The following AGGF1 variants were observed in gnomAD, a reference collection of about 807,000 sequenced individuals.
AGGF1 encodes angiogenic factor with G patch and FHA domains 1.
A neutral mutation model predicts 86.5 loss-of-function variants in AGGF1; 56 were observed. That is an observed-to-expected ratio of 0.65 (90% confidence interval 0.52 to 0.81). The LOEUF (loss-of-function observed/expected upper bound fraction) is 0.81. Among genes scored for constraint, AGGF1 ranks in the 30% least tolerant of loss-of-function variants. AGGF1 has a pLI of 0.00. For missense variants in AGGF1, 816 were observed against 850.9 expected (o/e 0.96, Z 0.51); for synonymous variants, 313 against 297.1 (o/e 1.05, Z -0.55).
chr5:77,063,275 C>A lies in AGGF1; in HGVS notation c.*23C>A. ...TGAAGGCTAATCATAGAAAAAAAAC[C>A]TCTAGTTTTTTTAAAAATAGAATTT... On this transcript the variant is annotated 3_prime_UTR_variant, in exon 14 of 14. Coordinates refer to ENST00000312916, the MANE Select transcript of AGGF1 (RefSeq NM_018046.5). 1 of 1,600,942 alleles carries A rather than the reference C, an allele frequency of 6.2e-7. No homozygotes were observed. Among genetic ancestry groups the A allele is most frequent in the Non-Finnish European group, 8.5e-7 (1 of 1,169,960 alleles).
chr5:77,052,058 A>G (rs1045425071), intron 8 of AGGF1, among the ~76,000 whole-genome samples: 4 of 152,212 alleles, frequency 2.6e-5, no homozygotes, highest in Admixed American at 2.0e-4. Flanking sequence ...CACATTTTGT[A>G]TTAAGAATTT....
chr5:77,063,574 C>G lies in AGGF1; in HGVS notation c.*322C>G, dbSNP rs1448290684. ...GCAAAATTCATAGAACTACTAATGA[C>G]TTAAGTGTACATCTGTTCTTGTCTC... On this transcript the variant is annotated 3_prime_UTR_variant, in exon 14 of 14. Transcript: ENST00000312916. 3.1e-6 allele frequency: 1 copy of G among 323,648 alleles called. No individual in the cohort carries two copies. The highest frequency in any genetic ancestry group is 5.8e-6 in the Non-Finnish European group (1 of 171,622). 20.0% of individuals were successfully genotyped at this position (323,648 alleles called of 1,614,324 possible). A position where few individuals can be genotyped will look rare whatever the true frequency, so the allele number is the denominator to read the frequency against.
At chr5:77,051,148 G>C (rs925100669) in intron 8 of AGGF1, among the ~76,000 whole-genome samples, 1 of 152,030 alleles carries the variant, frequency 6.6e-6, no homozygotes. Context: ...TTAAGAGTTT[G>C]GGGGGTTGGG....
intron 12 of AGGF1, among the ~76,000 whole-genome samples, chr5:77,060,593 G>T (rs1390499077): frequency 3.9e-5 from 6 of 151,978 alleles, no homozygotes; most frequent in Admixed American, 2.0e-4. Context: ...TATAAATTTT[G>T]AGTTTAGTTA....
At position 77,064,845 on chromosome 5, in the gene AGGF1, A is replaced by G. The variant is rs1466154451; in HGVS notation, c.*1593A>G. 1 of 152,218 alleles carries G rather than the reference A, an allele frequency of 6.6e-6. No homozygotes were observed. Among genetic ancestry groups the G allele is most frequent in the Non-Finnish European group, 1.5e-5 (1 of 68,044 alleles). 9.4% of individuals were successfully genotyped at this position (152,218 alleles called of 1,614,324 possible). ...TGAATCTTGGTCATTGGGTTAGTAT[A>G]TGACTGTCTATAATATTTTCCATTT... On this transcript the variant is annotated 3_prime_UTR_variant, in exon 14 of 14. Transcript: ENST00000312916.
Position 77,059,668 on chromosome 5 carries a change from G to A in AGGF1, c.1769G>A (p.Arg590Lys), listed in dbSNP as rs748550067. Residue 590 changes from arginine to lysine, a missense_variant, in exon 12 of 14, where the codon AGA (arginine) becomes AAA (lysine). Around this residue, in one of 3 missense-constraint regions of AGGF1, gnomAD observed 565 missense variants for 585.8 expected, o/e 0.96. Transcript: ENST00000312916. ...KTLKNPKYKD[R>K]AGKRREQVGS... ...TTGAAGAATCCAAAATATAAAGATA[G>A]AGCTGGAAAACGTAGGGAGCAGGTT... 6.2e-7 allele frequency: 1 copy of A among 1,613,428 alleles called. No homozygotes were observed. Among genetic ancestry groups the A allele is most frequent in the Non-Finnish European group, 8.5e-7 (1 of 1,179,432 alleles).
chr5:77,046,207 G>A (rs1320628971), intron 5 of AGGF1, 140 bp from the exon 6 acceptor site: 1 of 797,446 alleles, frequency 1.3e-6, no homozygotes, highest in African/African-American at 1.7e-5. Context: ...GTGAGAAGGA[G>A]AGGGGGAACA....
intron 11 of AGGF1, among the ~76,000 whole-genome samples, chr5:77,056,383 C>T (rs1286637532): frequency 1.3e-5 from 2 of 151,738 alleles, no homozygotes; most frequent in Non-Finnish European, 2.9e-5. Context: ...GGCCCGCCAC[C>T]ACGCCCCGCT....
intron 8 of AGGF1, among the ~76,000 whole-genome samples, chr5:77,050,799 TC>T (rs1747358986): frequency 1.3e-5 from 2 of 152,180 alleles, no homozygotes; most frequent in African/African-American, 2.4e-5. Context: ...TTTGAAAAGT[TC>T]ATGCAAATTT....
At chr5:77,041,676 G>C (rs1310309279) in intron 5 of AGGF1, among the ~76,000 whole-genome samples, 1 of 150,968 alleles carries the variant, frequency 6.6e-6, no homozygotes, top group Non-Finnish European at 1.5e-5. Flanking sequence ...AAAAACTAGA[G>C]AATAGACATG....
intron 7 of AGGF1, 130 bp from the exon 8 acceptor site, chr5:77,048,806 A>G (rs540012696): frequency 2.1e-4 from 186 of 871,284 alleles, no homozygotes; most frequent in Non-Finnish European, 3.2e-4. Context: ...GAAACTGGAT[A>G]ATCCATAACC....
At chr5:77,043,435 G>A (rs1367830458) in intron 5 of AGGF1, among the ~76,000 whole-genome samples, 19 of 89,584 alleles carry the variant, frequency 2.1e-4, no homozygotes, top group Admixed American at 3.0e-4. Flanking sequence ...AGGGGCGGCC[G>A]GGCAGAGGCG....
rs1747567489 is a variant in AGGF1, at chr5:77,061,715, T to C, written c.1857T>C (p.Asp619=). 6.2e-7 allele frequency: 1 copy of C among 1,612,944 alleles called. No individual in the cohort carries two copies. The highest frequency in any genetic ancestry group is 8.5e-7 in the Non-Finnish European group (1 of 1,179,142). Residue 619 remains aspartate, a synonymous_variant, in exon 13 of 14, where the codon GAT becomes GAC. Transcript: ENST00000312916. ...ATATTCCTTAAAGTGAAATTACTGATAGCAACAAAGGTCGGAAGATGTTGG... is the reference window on the plus strand; with the variant it reads ...ATATTCCTTAAAGTGAAATTACTGACAGCAACAAAGGTCGGAAGATGTTGG... ...APASVHSEIT[D]SNKGRKMLEK...
intron 5 of AGGF1, among the ~76,000 whole-genome samples, chr5:77,042,192 A>G (rs1747103144): frequency 6.6e-6 from 1 of 151,958 alleles, no homozygotes; most frequent in Admixed American, 6.6e-5. Flanking sequence ...AACAAAATGA[A>G]GTCTCCCATG....
At chr5:77,034,924 G>C (rs1272367141) in intron 2 of AGGF1, among the ~76,000 whole-genome samples, 1 of 152,186 alleles carries the variant, frequency 6.6e-6, no homozygotes, top group East Asian at 1.9e-4. Flanking sequence ...ATGGCCTTAT[G>C]AATGGCATTA....
At chr5:77,032,563 CAAAAA>C (rs4025997) in intron 1 of AGGF1, among the ~76,000 whole-genome samples, 27,091 of 93,826 alleles carry the variant, frequency 0.29, 2,610 homozygotes, top group Admixed American at 0.35. Context: ...GACTCCGTCT[CAAAAA>C]AAAAAAAAAA....
At chr5:77,036,195 C>T (rs1368236851) in intron 3 of AGGF1, 1 of 269,448 alleles carries the variant, frequency 3.7e-6, no homozygotes, top group Admixed American at 5.1e-5. Flanking sequence ...TTTTCTCCTT[C>T]ATTTGTCTTT....
chr5:77,046,390 C>T lies in AGGF1; in HGVS notation c.914C>T (p.Thr305Ile), dbSNP rs1747250207. The T allele has an allele frequency of 6.2e-7, 1 of 1,613,712 alleles. No individual in the cohort carries two copies. The change falls in exon 6 of 14, where the codon ACA (threonine) becomes ATA (isoleucine). Residue 305 changes from threonine to isoleucine, a missense_variant. Thr to Ile is a moderately conservative substitution (Grantham distance 89). Transcript: ENST00000312916. ...EDQKAFSVEH[T>I]SCNEEENFAN... ...CAAAAAGCCTTCAGTGTTGAACATA[C>T]AAGCTGCAATGAGGAAGAAAATTTC...
In AGGF1 at chr5:77,030,989, C is replaced by G; in HGVS notation, c.210+13C>G. On this transcript the variant is annotated intron_variant, in intron 1 of 13. Transcript: ENST00000312916. ...GCTCCGCACGCAGGTGCGCGGTCCT[C>G]CTCAGCCCCGCGCCCCATCCAGCCC... 6.2e-7 allele frequency: 1 copy of G among 1,611,118 alleles called. No individual in the cohort carries two copies. The highest frequency in any genetic ancestry group is 8.5e-7 in the Non-Finnish European group (1 of 1,179,774).
Sources: allele counts gnomAD v4.1 joint callset (sites outside exome capture counted in the v4.1 genomes callset), GRCh38; gene constraint gnomAD v4.1.1; regional missense constraint gnomAD v4.1.1; transcripts MANE v1.5; gene names NCBI Gene and HGNC (gene_info 2026-07-23, HGNC 2026-07-21).